The following KLF12 variants were observed in gnomAD, a reference collection of about 807,000 sequenced individuals.
KLF12 encodes KLF transcription factor 12, also known as Krueppel-like factor 12.
In KLF12, 9 loss-of-function variants were observed where a neutral mutation model predicts 37.8. The ratio of observed to expected loss-of-function variants is 0.24; its 90% CI spans 0.14 to 0.42. KLF12 has a LOEUF of 0.42. KLF12 is among the 10% of genes least tolerant of loss of function. The pLI, the probability that KLF12 is intolerant of heterozygous loss-of-function variation, is 1.00. For missense variants in KLF12, 411 were observed against 516.0 expected (o/e 0.80, Z 1.97); for synonymous variants, 208 against 202.1 (o/e 1.03, Z -0.25).
At chr13:73,851,595 A>G (rs555635896) in intron 3 of KLF12, among the ~76,000 whole-genome samples, 1 of 152,316 alleles carries the variant, frequency 6.6e-6, no homozygotes, top group South Asian at 2.1e-4. Flanking sequence ...CAATAATATA[A>G]CAAATAGATT....
At chr13:73,989,438 T>C (rs918064956) in intron 2 of KLF12, among the ~76,000 whole-genome samples, 2 of 152,164 alleles carry the variant, frequency 1.3e-5, no homozygotes, top group African/African-American at 4.8e-5. Flanking sequence ...AGAGAAAGTG[T>C]TGTTGAAAGA....
At chr13:73,882,828 A>G (rs1198538817) in intron 3 of KLF12, among the ~76,000 whole-genome samples, 6 of 152,236 alleles carry the variant, frequency 3.9e-5, no homozygotes, top group Non-Finnish European at 1.5e-5. Context: ...TATCATTAAC[A>G]TATTTTAAAG....
the KLF12 span, among the ~76,000 whole-genome samples, chr13:74,282,475 G>C: frequency 6.6e-6 from 1 of 152,172 alleles, no homozygotes; most frequent in Non-Finnish European, 1.5e-5. Context: ...CCCTGCAGGG[G>C]TGGGAACTGA....
chr13:73,895,496 T>C (rs1447611701), intron 3 of KLF12, among the ~76,000 whole-genome samples: 3 of 152,180 alleles, frequency 2.0e-5, no homozygotes, highest in South Asian at 4.1e-4. Flanking sequence ...CCTGAAACAT[T>C]AGAAAAGTAA....
chr13:74,210,294 A>G, the KLF12 span, among the ~76,000 whole-genome samples: 1 of 152,226 alleles, frequency 6.6e-6, no homozygotes, highest in Non-Finnish European at 1.5e-5. Context: ...TGGTGAATGA[A>G]GAAGCTTCTC....
chr13:73,950,468 C>A (rs1275890414), intron 2 of KLF12, among the ~76,000 whole-genome samples: 1 of 152,214 alleles, frequency 6.6e-6, no homozygotes, highest in Non-Finnish European at 1.5e-5. Context: ...ACAAATTGTA[C>A]TAGAAAAGTA....
chr13:73,715,206 TTC>T (rs1377792543), intron 7 of KLF12, among the ~76,000 whole-genome samples, 160 bp downstream of exon 7: 4 of 152,142 alleles, frequency 2.6e-5, no homozygotes, highest in Non-Finnish European at 5.9e-5. Flanking sequence ...TTTCTCAAGT[TTC>T]TCTCTTTCTC....
At chr13:74,064,268 T>C (rs1324936708) in intron 1 of KLF12, among the ~76,000 whole-genome samples, 1 of 152,212 alleles carries the variant, frequency 6.6e-6, no homozygotes, top group Admixed American at 6.5e-5. Flanking sequence ...TATATAACTG[T>C]ATATTTTTAA....
chr13:74,166,786 G>T, the KLF12 span, among the ~76,000 whole-genome samples: 4 of 152,068 alleles, frequency 2.6e-5, no homozygotes, highest in East Asian at 7.7e-4. Flanking sequence ...TAGTTCATTG[G>T]TATTCTTCTG....
At position 73,756,702 on chromosome 13, in the gene KLF12, T is replaced by C. The variant is rs1406152880; in HGVS notation, c.869+8236A>G. Among the ~76,000 whole-genome samples, 7 of 152,264 alleles carry C rather than the reference T, an allele frequency of 4.6e-5. No homozygotes were observed. The East Asian group carries it at 1.2e-3, about 25-fold the overall frequency. On this transcript the variant is annotated intron_variant, in intron 6 of 7. Coordinates refer to ENST00000377669, the MANE Select transcript of KLF12 (RefSeq NM_007249.5). The stretch of plus-strand genomic sequence containing the variant: ...TTTTTTGGTACTAACACTTTTCCTT[T>C]GGGAAACTACTCCCACCTCATCTCA...
the KLF12 span, among the ~76,000 whole-genome samples, chr13:74,153,254 A>G: frequency 1.3e-5 from 2 of 152,168 alleles, no homozygotes; most frequent in African/African-American, 2.4e-5. Context: ...AATGAAGTCA[A>G]TTTAAGGTTT....
At chr13:73,851,884 A>T in intron 3 of KLF12, among the ~76,000 whole-genome samples, 1 of 152,192 alleles carries the variant, frequency 6.6e-6, no homozygotes, top group Non-Finnish European at 1.5e-5. Flanking sequence ...TTAGGTGAAG[A>T]GCCAAATTCC....
chr13:73,986,538 G>A (rs1891833115), intron 2 of KLF12, among the ~76,000 whole-genome samples: 1 of 152,142 alleles, frequency 6.6e-6, no homozygotes, highest in Non-Finnish European at 1.5e-5. Context: ...CAGAGTAATG[G>A]CCCCCTAAAG....
chr13:74,045,338 GA>G (rs1893515193), intron 1 of KLF12, among the ~76,000 whole-genome samples: 1 of 152,124 alleles, frequency 6.6e-6, no homozygotes, highest in Non-Finnish European at 1.5e-5. Context: ...CATCACCCTA[GA>G]CTTAACATGA....
chr13:73,698,536 G>C (rs1874310202), intron 7 of KLF12, among the ~76,000 whole-genome samples: 1 of 152,074 alleles, frequency 6.6e-6, no homozygotes, highest in Admixed American at 6.5e-5. Flanking sequence ...TGAAAATCTG[G>C]AGCAGGGGGT....
At chr13:74,305,776 T>C in the KLF12 span, among the ~76,000 whole-genome samples, 2,496 of 152,170 alleles carry the variant, frequency 0.016, 30 homozygotes, top group Middle Eastern at 0.061. Context: ...GATGATAAAT[T>C]GCTGGGGAGT....
At chr13:73,701,065 C>T (rs1874519686) in intron 7 of KLF12, among the ~76,000 whole-genome samples, 1 of 152,040 alleles carries the variant, frequency 6.6e-6, no homozygotes. Context: ...TAAAAACTTG[C>T]TAGAAAATAG....
At chr13:73,856,792 C>T (rs1267286507) in intron 3 of KLF12, among the ~76,000 whole-genome samples, 1 of 151,956 alleles carries the variant, frequency 6.6e-6, no homozygotes, top group Admixed American at 6.6e-5. Flanking sequence ...AGTTCGAGAC[C>T]AGCCTCGTCA....
intron 4 of KLF12, among the ~76,000 whole-genome samples, chr13:73,838,099 A>G (rs929201743): frequency 1.3e-5 from 2 of 152,148 alleles, no homozygotes; most frequent in African/African-American, 2.4e-5. Flanking sequence ...AAGAGATCTG[A>G]AATGGGAAGT....
Sources: allele counts gnomAD v4.1 joint callset (sites outside exome capture counted in the v4.1 genomes callset), GRCh38; gene constraint gnomAD v4.1.1; transcripts MANE v1.5; gene names NCBI Gene and HGNC (gene_info 2026-07-23, HGNC 2026-07-21).